Variants in GARNL3 observed in about 807,000 individuals in gnomAD.
GARNL3 encodes GTPase-activating Rap/Ran-GAP domain-like protein 3.
A neutral mutation model predicts 125.0 loss-of-function variants in GARNL3; 63 were observed. That is an observed-to-expected ratio of 0.50 (90% CI 0.41 to 0.62). The LOEUF (loss-of-function observed/expected upper bound fraction) is 0.62. GARNL3 is among the 20% of genes least tolerant of loss of function. GARNL3 has a pLI of 0.00. For missense variants in GARNL3, 994 were observed against 1,244.0 expected (o/e 0.80, Z 3.02); for synonymous variants, 439 against 457.5 (o/e 0.96, Z 0.52).
upstream of GARNL3, among the ~76,000 whole-genome samples, chr9:127,258,671 G>A (rs940332722): frequency 4.6e-5 from 7 of 152,090 alleles, no homozygotes; most frequent in African/African-American, 7.2e-5. Context: ...TAATGTCATC[G>A]CATCCCTGCT....
At chr9:127,255,861 G>C (rs1266619521) in intron 2 of GARNL3, among the ~76,000 whole-genome samples, 1 of 152,154 alleles carries the variant, frequency 6.6e-6, no homozygotes, top group African/African-American at 2.4e-5. Flanking sequence ...AATGACCTTG[G>C]TGTTCTCTAG....
At chr9:127,287,801 G>A (rs1171229826) in intron 1 of GARNL3, among the ~76,000 whole-genome samples, 1 of 152,218 alleles carries the variant, frequency 6.6e-6, no homozygotes, top group Non-Finnish European at 1.5e-5. Flanking sequence ...AGCCTGTGGT[G>A]CTTCCGGTTA....
intron 13 of GARNL3, 28 bp downstream of exon 13, chr9:127,339,779 C>CA: frequency 7.2e-7 from 1 of 1,380,624 alleles, no homozygotes; most frequent in Non-Finnish European, 1.0e-6. Flanking sequence ...AACAATTTTG[C>CA]AACTTGTTCT....
At chr9:127,240,537 G>A (rs2063185115) in intron 1 of GARNL3, among the ~76,000 whole-genome samples, 2 of 152,206 alleles carry the variant, frequency 1.3e-5, no homozygotes, top group African/African-American at 2.4e-5. Context: ...CAGTTGCCTT[G>A]AGCAGCAGTG....
At chr9:127,387,133 C>G in intron 24 of GARNL3, 60 bp from the exon 25 acceptor site, 1 of 1,548,082 alleles carries the variant, frequency 6.5e-7, no homozygotes, top group Non-Finnish European at 8.8e-7. Flanking sequence ...GGCAGGAGGG[C>G]CAGTGGATGC....
upstream of GARNL3, among the ~76,000 whole-genome samples, chr9:127,262,242 A>G (rs1317776599): frequency 6.6e-6 from 1 of 152,162 alleles, no homozygotes. Flanking sequence ...TACCTGATTA[A>G]CACAACTAAA....
chr9:127,383,399 G>T, intron 22 of GARNL3, 39 bp from the exon 23 acceptor site: 1 of 1,280,222 alleles, frequency 7.8e-7, no homozygotes, highest in Non-Finnish European at 1.1e-6. Flanking sequence ...TCTAAGTGTT[G>T]TCTCTAACAA....
intron 1 of GARNL3, among the ~76,000 whole-genome samples, chr9:127,241,214 C>T (rs559687179): frequency 6.6e-6 from 1 of 152,270 alleles, no homozygotes; most frequent in South Asian, 2.1e-4. Context: ...TCCACTCCCT[C>T]ATCGGTATCT....
At chr9:127,246,671 G>T (rs555624171) in intron 2 of GARNL3, among the ~76,000 whole-genome samples, 2 of 152,124 alleles carry the variant, frequency 1.3e-5, no homozygotes, top group African/African-American at 2.4e-5. Flanking sequence ...GCCAGGTGGG[G>T]TGACATGTGC....
intron 19 of GARNL3, 101 bp downstream of exon 19, chr9:127,354,511 T>C (rs1452558965): frequency 2.9e-6 from 2 of 686,292 alleles, no homozygotes; most frequent in Non-Finnish European, 5.0e-6. Context: ...TTTGATCTTA[T>C]TAGTTTGTTT....
intron 5 of GARNL3, among the ~76,000 whole-genome samples, chr9:127,318,946 C>T (rs2065316914): frequency 6.6e-6 from 1 of 152,164 alleles, no homozygotes; most frequent in African/African-American, 2.4e-5. Context: ...GCTGGTAAAT[C>T]ACGGAGCTGG....
At chr9:127,229,952 G>A (rs1243055478) in intron 1 of GARNL3, among the ~76,000 whole-genome samples, 2 of 152,240 alleles carry the variant, frequency 1.3e-5, no homozygotes, top group Non-Finnish European at 2.9e-5. Context: ...CTAGCCTGCA[G>A]ACACAGCAAA....
rs559686444 is a variant in GARNL3, at chr9:127,385,699, C to G, written c.2388+554C>G. 6.6e-6 allele frequency among the ~76,000 whole-genome samples: 1 copy of G among 152,332 alleles called. No individual in the cohort carries two copies. Among genetic ancestry groups the G allele is most frequent in the Admixed American group, 6.5e-5 (1 of 15,292 alleles). On this transcript the variant is annotated intron_variant, in intron 24 of 27. Coordinates refer to ENST00000373387, the MANE Select transcript of GARNL3 (RefSeq NM_032293.5). The surrounding 1 kb of genome is among the most constrained non-coding windows in gnomAD (Gnocchi z 4.1). ...AGTCCCCTCCCCTGAGTCAGGCCCA[C>G]AAAGTCCTCCCCAGCCCTGCCAGAC...
chr9:127,311,746 T>A lies in GARNL3; in HGVS notation c.319+11T>A. The A allele has an allele frequency of 6.5e-7, 1 of 1,546,912 alleles. No individual in the cohort carries two copies. The highest frequency in any genetic ancestry group is 1.7e-4 in the Middle Eastern group (1 of 5,936). ...ATTTTTTAGGACAAGGTAATTATGC[T>A]ATTGTGGTGGTAGGGAAGAAAGGGT... On this transcript the variant is annotated intron_variant, in intron 3 of 27. Transcript: ENST00000373387.
At chr9:127,352,283 AT>A (rs1246068406) in intron 17 of GARNL3, among the ~76,000 whole-genome samples, 3 of 152,184 alleles carry the variant, frequency 2.0e-5, no homozygotes, top group Non-Finnish European at 2.9e-5. Context: ...CAATGGGAGT[AT>A]TATAAGTTCC....
intron 13 of GARNL3, among the ~76,000 whole-genome samples, chr9:127,340,148 G>A (rs981414144): frequency 6.6e-6 from 1 of 152,014 alleles, no homozygotes; most frequent in African/African-American, 2.4e-5. Flanking sequence ...AGTTGTTGGG[G>A]AATGTGTGTG....
chr9:127,248,181 T>C (rs1219066447), intron 2 of GARNL3, among the ~76,000 whole-genome samples: 1 of 152,220 alleles, frequency 6.6e-6, no homozygotes, highest in Non-Finnish European at 1.5e-5. Flanking sequence ...TGCCGTTGTG[T>C]TTCCATTAAG....
intron 1 of GARNL3, among the ~76,000 whole-genome samples, chr9:127,273,492 A>T (rs904274846): frequency 1.8e-4 from 27 of 152,226 alleles, no homozygotes. Context: ...TTATCCAAAG[A>T]CATGCCCATG....
intron 22 of GARNL3, among the ~76,000 whole-genome samples, chr9:127,365,738 A>G (rs1031541004): frequency 6.6e-5 from 10 of 152,106 alleles, no homozygotes; most frequent in African/African-American, 1.7e-4. Flanking sequence ...CAGTTTAGAG[A>G]TGAGGCAACT....
Sources: allele counts gnomAD v4.1 joint callset (sites outside exome capture counted in the v4.1 genomes callset), GRCh38; gene constraint gnomAD v4.1.1; non-coding constraint Gnocchi (gnomAD v3.1); transcripts MANE v1.5; gene names NCBI Gene and HGNC (gene_info 2026-07-23, HGNC 2026-07-21).